Variants in ARHGEF12 observed in about 807,000 individuals in gnomAD.
ARHGEF12 encodes the protein Rho guanine nucleotide exchange factor 12, also known as KMT2A/ARHGEF12 fusion protein.
In ARHGEF12, 66 loss-of-function variants were observed where a neutral mutation model predicts 211.2. The observed-to-expected ratio is 0.31, with a 90% CI of 0.26 to 0.38. The LOEUF is 0.38. ARHGEF12 is among the 10% of genes least tolerant of loss of function. The pLI, the probability that ARHGEF12 is intolerant of heterozygous loss-of-function variation, is 1.00. For missense variants in ARHGEF12, 1,429 were observed against 1,869.5 expected, an observed-to-expected ratio of 0.76 and a Z score of 4.34; for synonymous variants, 592 against 638.4, an observed-to-expected ratio of 0.93 and a Z score of 1.09.
At chr11:120,414,559 G>C (rs1423242862) in intron 4 of ARHGEF12, among the ~76,000 whole-genome samples, 2 of 152,008 alleles carry the variant, frequency 1.3e-5, no homozygotes, top group Non-Finnish European at 2.9e-5. Flanking sequence ...CTACTTTCTG[G>C]TTGTTCACAG....
At chr11:120,367,581 G>T (rs1178909118) in intron 1 of ARHGEF12, among the ~76,000 whole-genome samples, 1 of 151,970 alleles carries the variant, frequency 6.6e-6, no homozygotes, top group East Asian at 1.9e-4. Context: ...GGTCAGGCTG[G>T]TCTCAAACTC....
chr11:120,344,590 T>C (rs1405376494), intron 1 of ARHGEF12, among the ~76,000 whole-genome samples: 1 of 152,254 alleles, frequency 6.6e-6, no homozygotes, highest in East Asian at 1.9e-4. Context: ...TGGTGGCATA[T>C]GCACTGTCAG....
At chr11:120,475,651 G>T (rs2276035) in intron 33 of ARHGEF12, 144 bp downstream of exon 33, 1 of 847,446 alleles carries the variant, frequency 1.2e-6, no homozygotes. Context: ...TTACTGCTTA[G>T]AAAGAGACCT....
chr11:120,350,471 C>T (rs946171704), intron 1 of ARHGEF12, among the ~76,000 whole-genome samples: 7 of 149,446 alleles, frequency 4.7e-5, no homozygotes, highest in African/African-American at 1.2e-4. Flanking sequence ...GCTGAGATCA[C>T]GCCACTGCAC....
chr11:120,461,200 C>T (rs117079525), intron 27 of ARHGEF12, among the ~76,000 whole-genome samples: 2,992 of 152,074 alleles, frequency 0.02, 48 homozygotes, highest in Non-Finnish European at 0.03. Context: ...TTTGCTTTGC[C>T]CAGACCAATC....
intron 1 of ARHGEF12, among the ~76,000 whole-genome samples, chr11:120,380,281 A>G (rs1290971869): frequency 6.6e-6 from 1 of 152,202 alleles, no homozygotes; most frequent in Non-Finnish European, 1.5e-5. Flanking sequence ...GACATCTTAC[A>G]TTATTGTGGT....
intron 1 of ARHGEF12, among the ~76,000 whole-genome samples, chr11:120,397,424 C>G (rs1944424170): frequency 6.6e-6 from 1 of 152,122 alleles, no homozygotes; most frequent in South Asian, 2.1e-4. Context: ...GGATTCCTTA[C>G]TATAAATGAA....
chr11:120,463,362 C>T (rs937476236), intron 27 of ARHGEF12: 2 of 152,020 alleles, frequency 1.3e-5, no homozygotes, highest in Non-Finnish European at 2.9e-5. Flanking sequence ...CCCATCTCTA[C>T]TAAAAATACA....
At chr11:120,420,982 G>A (rs1202568537) in intron 5 of ARHGEF12, 131 bp downstream of exon 5, 20 of 725,108 alleles carry the variant, frequency 2.8e-5, no homozygotes, top group South Asian at 4.3e-5. Flanking sequence ...TGCTAGATTC[G>A]TCTATCATGT....
At chr11:120,363,579 A>G (rs997635841) in intron 1 of ARHGEF12, among the ~76,000 whole-genome samples, 3 of 152,246 alleles carry the variant, frequency 2.0e-5, no homozygotes, top group Non-Finnish European at 4.4e-5. Context: ...TTAGGTGACT[A>G]ATAATTTGGT....
intron 1 of ARHGEF12, among the ~76,000 whole-genome samples, chr11:120,388,864 T>A (rs1049088321): frequency 2.0e-5 from 3 of 152,152 alleles, no homozygotes; most frequent in Admixed American, 6.5e-5. Flanking sequence ...ATTTTTTTTT[T>A]ATTTTATTTT....
At chr11:120,412,960 A>T (rs1944931299) in intron 4 of ARHGEF12, among the ~76,000 whole-genome samples, 1 of 152,108 alleles carries the variant, frequency 6.6e-6, no homozygotes, top group African/African-American at 2.4e-5. Flanking sequence ...CCATCATTTT[A>T]TTAGACTATT....
At chr11:120,338,002 C>T (rs1942409477) in intron 1 of ARHGEF12, 1 of 698,726 alleles carries the variant, frequency 1.4e-6, no homozygotes, top group Non-Finnish European at 1.8e-6. Context: ...TGTGTCTGTC[C>T]TTTATAGCAC....
At position 120,392,355 on chromosome 11, in the gene ARHGEF12, C is replaced by T. The variant is rs1944245351; in HGVS notation, c.33-13763C>T. The stretch of plus-strand genomic sequence containing the variant: ...CAAATAATATCTTTTTTTAATAGCA[C>T]TTACCACGATTTGAAATTCTTTGGT... On this transcript the variant is annotated intron_variant, in intron 1 of 40. Coordinates refer to ENST00000397843, the MANE Select transcript of ARHGEF12 (RefSeq NM_015313.3). Among the ~76,000 whole-genome samples the T allele has an allele frequency of 1.3e-5, 2 of 152,106 alleles. 1 individual carries two copies. Among genetic ancestry groups the T allele is most frequent in the Admixed American group, 1.3e-4 (2 of 15,276 alleles).
chr11:120,453,518 A>T (rs1394310554), intron 22 of ARHGEF12, among the ~76,000 whole-genome samples: 1 of 152,140 alleles, frequency 6.6e-6, no homozygotes, highest in Non-Finnish European at 1.5e-5. Flanking sequence ...CTAGAAATTC[A>T]GGACCAGCCA....
chr11:120,468,615 A>AT (rs1405761619), intron 29 of ARHGEF12, among the ~76,000 whole-genome samples: 1 of 151,958 alleles, frequency 6.6e-6, no homozygotes, highest in East Asian at 1.9e-4. Flanking sequence ...CACCTGGCTA[A>AT]TTTTTTTGTA....
rs149634737 is a variant in ARHGEF12, at chr11:120,432,427, A to G, written c.924+516A>G. Among the ~76,000 whole-genome samples, 571 of 152,326 alleles carry G rather than the reference A, an allele frequency of 3.7e-3. 2 individuals are homozygous for G. The highest frequency in any genetic ancestry group is 0.013 in the African/African-American group (555 of 41,566). ...GAACATGACTATCTGTTAAGATGATAATAAAACATTTTAAGCTGAATATGA... is the reference window on the plus strand; with the variant it reads ...GAACATGACTATCTGTTAAGATGATGATAAAACATTTTAAGCTGAATATGA... On this transcript the variant is annotated intron_variant, in intron 11 of 40. Coordinates refer to ENST00000397843, the MANE Select transcript of ARHGEF12 (RefSeq NM_015313.3).
At chr11:120,448,595 G>A (rs1271547127) in intron 20 of ARHGEF12, 7 of 490,382 alleles carry the variant, frequency 1.4e-5, no homozygotes, top group Non-Finnish European at 2.2e-5. Context: ...TTCTGATTCT[G>A]TTCATGCCTT....
At chr11:120,445,318 T>C (rs1337212507) in intron 15 of ARHGEF12, 104 bp from the exon 16 acceptor site, 4 of 1,036,470 alleles carry the variant, frequency 3.9e-6, no homozygotes, top group Non-Finnish European at 6.1e-6. Flanking sequence ...ATTGTGCTTG[T>C]AGAGTGGGTA....
Sources: allele counts gnomAD v4.1 joint callset (sites outside exome capture counted in the v4.1 genomes callset), GRCh38; gene constraint gnomAD v4.1.1; transcripts MANE v1.5; gene names NCBI Gene and HGNC (gene_info 2026-07-23, HGNC 2026-07-21).